The following RETREG1 variants were observed in gnomAD, a reference collection of about 807,000 sequenced individuals.
RETREG1 encodes family with sequence similarity 134 member B.
RETREG1 carries 44 observed loss-of-function variants against 54.8 expected under a neutral mutation model. The ratio of observed to expected loss-of-function variants is 0.80; its 90% CI spans 0.63 to 1.03. The LOEUF is 1.03. Among genes scored for constraint, RETREG1 ranks in the 50% least tolerant of loss-of-function variants. The pLI, the probability that RETREG1 is intolerant of heterozygous loss-of-function variation, is 0.00. For synonymous variants in RETREG1, 217 were observed against 238.5 expected (o/e 0.91, Z 0.83); for missense variants, 554 against 605.1 (o/e 0.92, Z 0.89).
chr5:16,553,955 T>C (rs1230519285), intron 3 of RETREG1, among the ~76,000 whole-genome samples: 4 of 152,172 alleles, frequency 2.6e-5, no homozygotes, highest in Non-Finnish European at 4.4e-5. Flanking sequence ...AAGACTACAG[T>C]TCGGACCATG....
At chr5:16,514,296 C>T (rs545911097) in intron 3 of RETREG1, among the ~76,000 whole-genome samples, 89 of 152,220 alleles carry the variant, frequency 5.8e-4, no homozygotes, top group African/African-American at 2.0e-3. Flanking sequence ...TCTGCAAATA[C>T]GGGAGAGCCC....
chr5:16,573,581 C>T (rs1048092426), intron 1 of RETREG1, among the ~76,000 whole-genome samples: 2 of 152,162 alleles, frequency 1.3e-5, no homozygotes, highest in African/African-American at 4.8e-5. Flanking sequence ...ATCAGACAAA[C>T]ACAGGCCAAG....
rs939084837 is a variant in RETREG1, at chr5:16,597,580, G to C, written c.320+19072C>G. 6.6e-6 allele frequency among the ~76,000 whole-genome samples: 1 copy of C among 152,102 alleles called. No individual in the cohort carries two copies. The highest frequency in any genetic ancestry group is 2.4e-5 in the African/African-American group (1 of 41,428). ...CAGCCTGAAGTCAGCCACACCTCCA[G>C]AACCCTCCCAGGGAGAAGGGCACTT... On this transcript the variant is annotated intron_variant, in intron 1 of 8. Coordinates refer to ENST00000306320, the MANE Select transcript of RETREG1 (RefSeq NM_001034850.3). The surrounding 1 kb of genome is among the most constrained non-coding windows in gnomAD (Gnocchi z 4.3).
intron 1 of RETREG1, among the ~76,000 whole-genome samples, chr5:16,601,054 C>G (rs1743038343): frequency 6.6e-6 from 1 of 150,914 alleles, no homozygotes; most frequent in Non-Finnish European, 1.5e-5. Flanking sequence ...TGACGTTTGA[C>G]CAGTAAGATC....
intron 8 of RETREG1, 79 bp from the exon 9 acceptor site, chr5:16,475,313 CT>C (rs982120246): frequency 1.3e-5 from 20 of 1,529,296 alleles, no homozygotes; most frequent in Non-Finnish European, 1.7e-5. Flanking sequence ...AGATATCTGA[CT>C]TTAATCTGAA....
chr5:16,535,224 C>A (rs1360646393), intron 3 of RETREG1, among the ~76,000 whole-genome samples: 4 of 152,208 alleles, frequency 2.6e-5, no homozygotes, highest in Admixed American at 2.0e-4. Context: ...CGCTCCCAGG[C>A]TGTTCAGTTG....
At chr5:16,499,062 T>C (rs1363908270) in intron 3 of RETREG1, among the ~76,000 whole-genome samples, 1 of 145,932 alleles carries the variant, frequency 6.9e-6, no homozygotes, top group Non-Finnish European at 1.5e-5. Context: ...TTACTATTTT[T>C]AATTTTTGAT....
chr5:16,499,755 A>T (rs905343719), intron 3 of RETREG1, among the ~76,000 whole-genome samples: 4 of 152,240 alleles, frequency 2.6e-5, no homozygotes, highest in African/African-American at 9.6e-5. Flanking sequence ...CCAGTGAAAC[A>T]CTTGCATGTT....
At chr5:16,576,062 A>G (rs1309899192) in intron 1 of RETREG1, among the ~76,000 whole-genome samples, 1 of 152,144 alleles carries the variant, frequency 6.6e-6, no homozygotes, top group Non-Finnish European at 1.5e-5. Flanking sequence ...AGATGAAGGA[A>G]TTTTTAAAAA....
intron 2 of RETREG1, among the ~76,000 whole-genome samples, chr5:16,569,586 C>A (rs868381408): frequency 6.6e-6 from 1 of 152,132 alleles, no homozygotes; most frequent in Non-Finnish European, 1.5e-5. Flanking sequence ...TTCTATTTGA[C>A]GCTTTTATTG....
At chr5:16,527,326 G>A (rs1740744782) in intron 3 of RETREG1, among the ~76,000 whole-genome samples, 1 of 152,194 alleles carries the variant, frequency 6.6e-6, no homozygotes, top group Admixed American at 6.5e-5. Flanking sequence ...GCTTTACAGT[G>A]CTGTGTGCAA....
chr5:16,601,626 C>T (rs1743057704), intron 1 of RETREG1, among the ~76,000 whole-genome samples: 1 of 152,042 alleles, frequency 6.6e-6, no homozygotes, highest in Admixed American at 6.6e-5. Context: ...GAACTCCTGA[C>T]CTCAAGTGAT....
chr5:16,562,434 G>A (rs1741882381), intron 3 of RETREG1, among the ~76,000 whole-genome samples: 1 of 152,186 alleles, frequency 6.6e-6, no homozygotes, highest in Non-Finnish European at 1.5e-5. Context: ...GTGGATACAT[G>A]CCTAGGGCCT....
intron 3 of RETREG1, among the ~76,000 whole-genome samples, chr5:16,525,677 G>A (rs1405238526): frequency 1.3e-5 from 2 of 152,094 alleles, no homozygotes; most frequent in African/African-American, 4.8e-5. Flanking sequence ...AAAACTGGGG[G>A]ATAGAGACTC....
At chr5:16,512,662 C>G (rs905260989) in intron 3 of RETREG1, among the ~76,000 whole-genome samples, 1 of 152,038 alleles carries the variant, frequency 6.6e-6, no homozygotes, top group Non-Finnish European at 1.5e-5. Context: ...GAGAGACCTT[C>G]CCCCTCTTGG....
rs1417103487 is a variant in RETREG1, at chr5:16,474,899, C to A, written c.1336G>T (p.Asp446Tyr). The change falls in exon 9 of 9, where the codon GAC (aspartate) becomes TAC (tyrosine). Residue 446 changes from aspartate to tyrosine, a missense_variant. Asp to Tyr is a radical substitution (Grantham distance 160, BLOSUM62 -3). Coordinates refer to ENST00000306320, the MANE Select transcript of RETREG1 (RefSeq NM_001034850.3). ...TCATCACCTTCTTCAGTGTCTGTGTCCTCTTCTGGGATGGGGGCAGCCTGA... is the reference window on the plus strand; with the variant it reads ...TCATCACCTTCTTCAGTGTCTGTGTACTCTTCTGGGATGGGGGCAGCCTGA... ...LSQAAPIPEE[D>Y]TDTEEGDDFE... 3 of 1,613,836 alleles carry A rather than the reference C, an allele frequency of 1.9e-6. No homozygotes were observed. Among genetic ancestry groups the A allele is most frequent in the South Asian group, 2.2e-5 (2 of 91,072 alleles).
At chr5:16,608,808 T>C (rs1377993729) in intron 1 of RETREG1, among the ~76,000 whole-genome samples, 1 of 152,124 alleles carries the variant, frequency 6.6e-6, no homozygotes, top group African/African-American at 2.4e-5. Flanking sequence ...AAAAGATCCT[T>C]CCCATTCATG....
chr5:16,526,445 C>G (rs1408279574), intron 3 of RETREG1, among the ~76,000 whole-genome samples: 1 of 152,098 alleles, frequency 6.6e-6, no homozygotes, highest in Non-Finnish European at 1.5e-5. Context: ...CCCAGAGGCT[C>G]CCCCCAAGCA....
chr5:16,508,579 T>C, intron 3 of RETREG1: 1 of 1,613,892 alleles, frequency 6.2e-7, no homozygotes, highest in Non-Finnish European at 8.5e-7. Flanking sequence ...CACAATTACC[T>C]TTTGCCTGGT....
Sources: gnomAD v4.1 joint callset for allele counts (sites outside exome capture counted in the v4.1 genomes callset) on GRCh38, gnomAD v4.1.1 for gene constraint, Gnocchi (gnomAD v3.1) non-coding constraint, MANE v1.5 for transcripts, NCBI Gene and HGNC (gene_info 2026-07-23, HGNC 2026-07-21) for gene names.